ELMO1: variants seen among roughly 807,000 people sequenced by gnomAD.
The protein encoded by ELMO1 is engulfment and cell motility 1, also known as engulfment and cell motility protein 1.
A neutral mutation model predicts 98.9 loss-of-function variants in ELMO1; 26 were observed. The observed-to-expected ratio is 0.26, with a 90% CI of 0.19 to 0.36. The LOEUF (loss-of-function observed/expected upper bound fraction) is 0.36. Among genes scored for constraint, ELMO1 ranks in the 10% least tolerant of loss-of-function variants. ELMO1 has a pLI of 1.00. For synonymous variants in ELMO1, 346 were observed against 346.0 expected, an observed-to-expected ratio of 1.00 and a Z score of 0.00; for missense variants, 627 against 935.2, an observed-to-expected ratio of 0.67 and a Z score of 4.30.
At chr7:37,067,971 A>G (rs1318692711) in intron 15 of ELMO1, among the ~76,000 whole-genome samples, 1 of 152,182 alleles carries the variant, frequency 6.6e-6, no homozygotes, top group African/African-American at 2.4e-5. Context: ...TCCAAAATTC[A>G]GTATTATGGA....
chr7:36,861,833 C>T, intron 20 of ELMO1, 97 bp from the exon 21 acceptor site: 3 of 1,169,460 alleles, frequency 2.6e-6, no homozygotes, highest in South Asian at 1.2e-5. Flanking sequence ...ATAGGGCCAG[C>T]TTGTCTAGCC....
At chr7:37,271,465 C>A in intron 5 of ELMO1, 1 of 206,034 alleles carries the variant, frequency 4.9e-6, no homozygotes, top group Non-Finnish European at 9.5e-6. Context: ...TTTGGCTTCC[C>A]TGGGCCACAG....
At chr7:37,086,330 C>CTCTGTGTG (rs1000692933) in intron 15 of ELMO1, among the ~76,000 whole-genome samples, 1 of 143,082 alleles carries the variant, frequency 7.0e-6, no homozygotes, top group African/African-American at 2.6e-5. Context: ...CAATACATGA[C>CTCTGTGTG]TGTGTGTGTG....
At chr7:37,284,776 GA>G (rs3054300) in intron 4 of ELMO1, among the ~76,000 whole-genome samples, 12 of 149,784 alleles carry the variant, frequency 8.0e-5, no homozygotes, top group African/African-American at 2.2e-4. Context: ...ACGGTTTAAA[GA>G]AAAAAAAAAG....
intron 4 of ELMO1, among the ~76,000 whole-genome samples, chr7:37,287,767 C>T (rs2130933912): frequency 6.6e-6 from 1 of 152,166 alleles, no homozygotes; most frequent in East Asian, 1.9e-4. Flanking sequence ...TGTGATGCAG[C>T]CCTAGTCAAC....
chr7:37,317,473 C>T (rs1262446101), intron 2 of ELMO1, among the ~76,000 whole-genome samples: 1 of 152,166 alleles, frequency 6.6e-6, no homozygotes, highest in African/African-American at 2.4e-5. Flanking sequence ...AACATATACA[C>T]AATGAAGTAT....
At chr7:37,015,063 A>G (rs1313112546) in intron 15 of ELMO1, among the ~76,000 whole-genome samples, 2 of 152,174 alleles carry the variant, frequency 1.3e-5, no homozygotes, top group Non-Finnish European at 2.9e-5. Flanking sequence ...TAACAGTTTA[A>G]AACAACAGCA....
At chr7:37,209,856 A>G (rs1480743582) in intron 13 of ELMO1, among the ~76,000 whole-genome samples, 2 of 152,236 alleles carry the variant, frequency 1.3e-5, no homozygotes, top group Admixed American at 6.5e-5. Flanking sequence ...AAATTTTAAA[A>G]AATTGATTCA....
At chr7:37,257,765 A>T (rs1395598643) in intron 6 of ELMO1, among the ~76,000 whole-genome samples, 1 of 144,506 alleles carries the variant, frequency 6.9e-6, no homozygotes, top group Non-Finnish European at 1.5e-5. Flanking sequence ...ATCTTGGGAG[A>T]CCGAGGTGGG....
chr7:36,963,141 T>G lies in ELMO1; in HGVS notation c.1437+50158A>C, dbSNP rs189506061. ...GGCTCACGCCTGTAATCCCAGCACTTTGGGAGGCCGAGGTGGGCAGATCAC... is the reference window on the plus strand; with the variant it reads ...GGCTCACGCCTGTAATCCCAGCACTGTGGGAGGCCGAGGTGGGCAGATCAC... On this transcript the variant is annotated intron_variant, in intron 16 of 21. Transcript: ENST00000310758. Among the ~76,000 whole-genome samples, 1,036 of 152,140 alleles carry G rather than the reference T, an allele frequency of 6.8e-3. 13 individuals are homozygous for G. Among genetic ancestry groups the G allele is most frequent in the African/African-American group, 0.024 (989 of 41,500 alleles).
intron 16 of ELMO1, chr7:36,986,342 C>T (rs904502430): frequency 2.3e-6 from 2 of 853,538 alleles, no homozygotes; most frequent in Non-Finnish European, 2.8e-6. Flanking sequence ...ATAATAACTT[C>T]GTTTCTATTT....
chr7:37,343,487 C>CTTTTTTTTTTTTTTTTTTTT (rs10571805), intron 1 of ELMO1, among the ~76,000 whole-genome samples: 1 of 92,820 alleles, frequency 1.1e-5, no homozygotes, highest in Non-Finnish European at 2.0e-5. Flanking sequence ...TAGCCCATTT[C>CTTTTTTTTTTTTTTTTTTTT]TTTTTTTTTT....
intron 13 of ELMO1, among the ~76,000 whole-genome samples, chr7:37,161,949 T>C: frequency 8.0e-6 from 1 of 124,814 alleles, no homozygotes; most frequent in Non-Finnish European, 1.7e-5. Flanking sequence ...AAGCGTGATG[T>C]AATCTTCCAC....
intron 2 of ELMO1, among the ~76,000 whole-genome samples, chr7:37,334,750 TC>T (rs1230083932): frequency 3.9e-5 from 6 of 152,118 alleles, no homozygotes; most frequent in African/African-American, 1.4e-4. Context: ...TTTTCAAAGG[TC>T]TTGTGTAAAT....
intron 2 of ELMO1, among the ~76,000 whole-genome samples, chr7:37,331,359 A>ATTTTTTGTTTTTTTT: frequency 1.2e-5 from 1 of 81,438 alleles, no homozygotes; most frequent in Admixed American, 1.6e-4. Context: ...TTTTTTTGGA[A>ATTTTTTGTTTTTTTT]TTTTAGTAGA....
intron 15 of ELMO1, among the ~76,000 whole-genome samples, chr7:37,057,376 A>G (rs1351725828): frequency 6.6e-6 from 1 of 152,210 alleles, no homozygotes; most frequent in Non-Finnish European, 1.5e-5. Context: ...GATCACCAGA[A>G]GGCACAGCCT....
At chr7:37,171,956 A>G (rs1407888174) in intron 13 of ELMO1, among the ~76,000 whole-genome samples, 2 of 152,152 alleles carry the variant, frequency 1.3e-5, no homozygotes, top group African/African-American at 4.8e-5. Flanking sequence ...ATTTTGTACT[A>G]TTATCTGTTC....
At chr7:37,084,534 G>A (rs1783657005) in intron 15 of ELMO1, among the ~76,000 whole-genome samples, 1 of 152,126 alleles carries the variant, frequency 6.6e-6, no homozygotes, top group Non-Finnish European at 1.5e-5. Flanking sequence ...ATAGTTAAGG[G>A]CAAACAGCAC....
At chr7:37,192,794 T>C (rs1269597844) in intron 13 of ELMO1, among the ~76,000 whole-genome samples, 1 of 64,476 alleles carries the variant, frequency 1.6e-5, no homozygotes, top group Non-Finnish European at 2.8e-5. Flanking sequence ...CGAGACTCTG[T>C]CTCAAAAAAA....
Sources: allele counts gnomAD v4.1 joint callset (sites outside exome capture counted in the v4.1 genomes callset), GRCh38; gene constraint gnomAD v4.1.1; transcripts MANE v1.5; gene names NCBI Gene and HGNC (gene_info 2026-07-23, HGNC 2026-07-21).